Variants in BRSK2 observed in about 807,000 individuals in gnomAD.
BRSK2 encodes the protein BR serine/threonine kinase 2.
Under a neutral mutation model 83.3 loss-of-function variants are expected in BRSK2, and 19 were observed. That is an observed-to-expected ratio of 0.23 (90% CI 0.16 to 0.33). The LOEUF is 0.33. BRSK2 is among the 10% of genes least tolerant of loss of function. BRSK2 has a pLI of 1.00. For synonymous variants in BRSK2, 519 were observed against 435.4 expected, an observed-to-expected ratio of 1.19 and a Z score of -2.39; for missense variants, 798 against 1,042.3, an observed-to-expected ratio of 0.77 and a Z score of 3.23.
chr11:1,450,470 G>A (rs1250969253), intron 13 of BRSK2, 117 bp from the exon 14 acceptor site: 15 of 587,286 alleles, frequency 2.6e-5, no homozygotes, highest in South Asian at 1.6e-4. Context: ...CCGGCCTCCC[G>A]CCACTGGCCT....
rs1590541569 is a variant in BRSK2 at position 1,438,864 on chromosome 11, T to C, written c.272+473T>C. Among the ~76,000 whole-genome samples the C allele has an allele frequency of 6.6e-6, 1 of 152,078 alleles. No individual in the cohort carries two copies. The highest frequency in any genetic ancestry group is 1.5e-5 in the Non-Finnish European group (1 of 67,994). ...GACCGTGGCTGAGTGTGGCTGAAAG[T>C]GTCACCTCCGCAGCCGCTGAGGCCA... On this transcript the variant is annotated intron_variant, in intron 3 of 19. Transcript: ENST00000528841. The surrounding 1 kb of genome is among the most constrained non-coding windows in gnomAD (Gnocchi z 6.4).
chr11:1,414,440 C>T (rs947004003), intron 1 of BRSK2, among the ~76,000 whole-genome samples: 6 of 152,228 alleles, frequency 3.9e-5, no homozygotes, highest in Admixed American at 2.0e-4. Flanking sequence ...GTGTGGAATG[C>T]GGTGTTCATT....
chr11:1,414,312 C>T (rs1847871432), intron 1 of BRSK2, among the ~76,000 whole-genome samples: 1 of 152,206 alleles, frequency 6.6e-6, no homozygotes, highest in African/African-American at 2.4e-5. Context: ...CTCCATGCCC[C>T]TGTGGCAGTT....
chr11:1,447,939 T>C (rs1338962197), intron 12 of BRSK2: 4 of 1,392,992 alleles, frequency 2.9e-6, no homozygotes, highest in Non-Finnish European at 3.9e-6. Flanking sequence ...GGCAGGCACA[T>C]GGGCGGGTCT....
intron 19 of BRSK2, among the ~76,000 whole-genome samples, chr11:1,460,177 A>G (rs982711274): frequency 6.6e-6 from 1 of 152,088 alleles, no homozygotes; most frequent in Non-Finnish European, 1.5e-5. Context: ...TCGCTTCGCC[A>G]AAGGAGCACT....
chr11:1,458,936 C>T (rs563594420), intron 18 of BRSK2, among the ~76,000 whole-genome samples: 18 of 152,248 alleles, frequency 1.2e-4, no homozygotes, highest in East Asian at 3.9e-4. Context: ...GCTGGAGGTC[C>T]GGCTGCTGCC....
Position 1,442,242 on chromosome 11 carries a change from G to A in BRSK2, c.414-248G>A, listed in dbSNP as rs1008217239. Among the ~76,000 whole-genome samples the A allele has an allele frequency of 1.2e-3, 185 of 152,158 alleles. 1 individual carries two copies. The highest frequency in any genetic ancestry group is 4.4e-3 in the African/African-American group (182 of 41,530). Reference sequence around the variant, plus strand: ...GCTAGGGAGCAGGAGGGGGCAGGAAGGAGCCTGCCAGGGTGCAGGAGGGCA... The same window carrying A: ...GCTAGGGAGCAGGAGGGGGCAGGAAAGAGCCTGCCAGGGTGCAGGAGGGCA... On this transcript the variant is annotated intron_variant, in intron 4 of 19. Coordinates refer to ENST00000528841, the MANE Select transcript of BRSK2 (RefSeq NM_001256627.2).
At chr11:1,398,944 G>A (rs778167478) in intron 1 of BRSK2, among the ~76,000 whole-genome samples, 11 of 152,176 alleles carry the variant, frequency 7.2e-5, no homozygotes, top group Non-Finnish European at 1.3e-4. Context: ...TGGCACCCGC[G>A]GCCGTCCCTG....
At chr11:1,421,775 C>T (rs531519687) in intron 1 of BRSK2, among the ~76,000 whole-genome samples, 28 of 152,116 alleles carry the variant, frequency 1.8e-4, no homozygotes, top group African/African-American at 4.3e-4. Context: ...GCCGAAGGGT[C>T]GGGGAGCAAG....
At chr11:1,411,758 G>GC in intron 1 of BRSK2, 1 of 1,365,388 alleles carries the variant, frequency 7.3e-7, no homozygotes, top group Non-Finnish European at 9.9e-7. Flanking sequence ...CACCTGCTGG[G>GC]AGGGCCAGCT....
intron 1 of BRSK2, among the ~76,000 whole-genome samples, chr11:1,394,709 T>C (rs1276716148): frequency 1.3e-4 from 10 of 78,280 alleles, no homozygotes; most frequent in Admixed American, 4.2e-4. Flanking sequence ...TGGAGATGGG[T>C]CCCTGGAGAT....
intron 9 of BRSK2, 25 bp from the exon 10 acceptor site, chr11:1,445,269 C>T (rs761084085): frequency 5.2e-5 from 82 of 1,585,482 alleles, no homozygotes; most frequent in East Asian, 6.8e-5. Context: ...AGCTGATGAG[C>T]GGGTGGCCCG....
At chr11:1,427,296 C>T (rs1849345985) in intron 1 of BRSK2, among the ~76,000 whole-genome samples, 1 of 152,306 alleles carries the variant, frequency 6.6e-6, no homozygotes, top group Admixed American at 6.5e-5. Flanking sequence ...TGCTGCCTCG[C>T]CCGGCCCAGG....
Position 1,438,546 on chromosome 11 carries a change from G to A in BRSK2, c.272+155G>A, listed in dbSNP as rs896187720. On this transcript the variant is annotated intron_variant, in intron 3 of 19. Transcript: ENST00000528841. The surrounding 1 kb of genome is among the most constrained non-coding windows in gnomAD (Gnocchi z 6.4). Reference sequence around the variant, plus strand: ...GCCCTGCTAGCATGAACACCTGCCTGGGTAGGGTCTCAGCCCAGGCTGCTG... The same window carrying A: ...GCCCTGCTAGCATGAACACCTGCCTAGGTAGGGTCTCAGCCCAGGCTGCTG... 1.3e-5 allele frequency among the ~76,000 whole-genome samples: 2 copies of A among 152,190 alleles called. No individual in the cohort carries two copies. Among genetic ancestry groups the A allele is most frequent in the Non-Finnish European group, 2.9e-5 (2 of 68,016 alleles).
chr11:1,436,128 G>T lies in BRSK2; in HGVS notation c.180G>T (p.Leu60=). ...VNREKLSESV[L]MKVEREIAIL... The stretch of plus-strand genomic sequence containing the variant: ...GTGAGAAGCTCAGCGAGTCGGTGCT[G>T]ATGAAGGTGGGTGGGGCCGGGGAGG... The change falls in exon 2 of 20, where the codon CTG becomes CTT. Residue 60 remains leucine (L), a synonymous_variant. Coordinates refer to ENST00000528841, the MANE Select transcript of BRSK2 (RefSeq NM_001256627.2). The T allele has an allele frequency of 2.4e-6, 3 of 1,274,198 alleles. No individual in the cohort carries two copies. Among genetic ancestry groups the T allele is most frequent in the Non-Finnish European group, 3.2e-6 (3 of 933,958 alleles). 78.9% of individuals were successfully genotyped at this position (1,274,198 alleles called of 1,614,324 possible).
At chr11:1,447,668 C>A in intron 12 of BRSK2, 1 of 833,142 alleles carries the variant, frequency 1.2e-6, no homozygotes, top group Non-Finnish European at 2.0e-6. Context: ...AGCCTCCTCT[C>A]TCGCCATCTT....
At chr11:1,456,814 C>G in intron 18 of BRSK2, 127 bp downstream of exon 18, 1 of 1,310,636 alleles carries the variant, frequency 7.6e-7, no homozygotes, top group Admixed American at 2.1e-5. Flanking sequence ...ACGCCCCCAC[C>G]TCCCTGCCCC....
intron 8 of BRSK2, among the ~76,000 whole-genome samples, chr11:1,443,912 AG>A (rs1474767976): frequency 2.0e-5 from 3 of 152,016 alleles, no homozygotes; most frequent in Non-Finnish European, 2.9e-5. Context: ...GCTCGTGTTC[AG>A]GTGTGTGGGT....
chr11:1,410,886 G>A (rs972333955), intron 1 of BRSK2: 34 of 985,972 alleles, frequency 3.4e-5, no homozygotes, highest in Middle Eastern at 5.2e-4. Context: ...GAGGGCCTTC[G>A]ACGGCCCTTT....
Sources: gnomAD v4.1 joint callset for allele counts (sites outside exome capture counted in the v4.1 genomes callset) on GRCh38, gnomAD v4.1.1 for gene constraint, Gnocchi (gnomAD v3.1) non-coding constraint, MANE v1.5 for transcripts, NCBI Gene and HGNC (gene_info 2026-07-23, HGNC 2026-07-21) for gene names.